The following SLC4A7 variants were observed in gnomAD, a reference collection of about 807,000 sequenced individuals.
The protein encoded by SLC4A7 is solute carrier family 4 member 7, also known as sodium bicarbonate cotransporter 3.
In SLC4A7, 51 loss-of-function variants were observed where a neutral mutation model predicts 137.6. That is an observed-to-expected ratio of 0.37 (90% confidence interval 0.30 to 0.47). The LOEUF (loss-of-function observed/expected upper bound fraction) is 0.47, where lower values mean the gene tolerates loss of function less well. SLC4A7 is among the 20% of genes least tolerant of loss of function. The pLI is 1.00. For synonymous variants in SLC4A7, 542 were observed against 518.6 expected (o/e 1.05, Z -0.61); for missense variants, 1,247 against 1,525.4 (o/e 0.82, Z 3.04).
At chr3:27,484,001 C>T in intron 1 of SLC4A7, 66 bp downstream of exon 1, 11 of 1,225,514 alleles carry the variant, frequency 9.0e-6, no homozygotes, top group African/African-American at 1.6e-5. Flanking sequence ...CCGCGCCCCC[C>T]GCCTTTGTCT....
chr3:27,409,948 T>C (rs1458433958), intron 12 of SLC4A7, among the ~76,000 whole-genome samples: 2 of 152,216 alleles, frequency 1.3e-5, no homozygotes, highest in African/African-American at 4.8e-5. Context: ...AAGGCAATTA[T>C]TATCCAAATA....
At chr3:27,474,273 GTCATT>G (rs2059376743) in intron 1 of SLC4A7, among the ~76,000 whole-genome samples, 2 of 152,032 alleles carry the variant, frequency 1.3e-5, no homozygotes, top group Non-Finnish European at 1.5e-5. Context: ...CTAAATAACT[GTCATT>G]TCATTTGTTA....
intron 9 of SLC4A7, among the ~76,000 whole-genome samples, 164 bp downstream of exon 9, chr3:27,421,458 T>G (rs1010188342): frequency 2.6e-5 from 4 of 152,162 alleles, no homozygotes; most frequent in Non-Finnish European, 5.9e-5. Flanking sequence ...ATTGTGCCAC[T>G]GCACTCCAGC....
At position 27,437,521 on chromosome 3, in the gene SLC4A7, G is replaced by T; in HGVS notation, c.295C>A (p.Pro99Thr). 6.5e-7 allele frequency: 1 copy of T among 1,543,170 alleles called. No individual in the cohort carries two copies. Among genetic ancestry groups the T allele is most frequent in the Non-Finnish European group, 8.7e-7 (1 of 1,150,286 alleles). The change falls in exon 4 of 26, where the codon CCA (proline) becomes ACA (threonine). Residue 99 changes from proline to threonine, a missense_variant. This residue lies in a region of SLC4A7 where 176 missense variants were observed against 186.4 expected (regional missense o/e 0.94). Transcript: ENST00000454389. The part of the protein sequence containing the change: ...DGRESPSYDT[P>T]SQRVQFILGT... ...AGGATAAACTGAACTCTCTGGGATG[G>T]TGTATCTTTACAAAATAAGAATTTA...
intron 1 of SLC4A7, chr3:27,456,665 C>T: frequency 6.2e-7 from 1 of 1,608,302 alleles, no homozygotes; most frequent in Non-Finnish European, 8.5e-7. Context: ...AACTTCTTCT[C>T]CAGACGAAAT....
At chr3:27,446,118 G>A (rs1192557487) in intron 3 of SLC4A7, among the ~76,000 whole-genome samples, 2 of 148,954 alleles carry the variant, frequency 1.3e-5, no homozygotes, top group Non-Finnish European at 3.0e-5. Context: ...ATTTAACTAT[G>A]TGTGTGTGTA....
chr3:27,395,645 C>T (rs2052076058), intron 18 of SLC4A7, among the ~76,000 whole-genome samples: 1 of 152,182 alleles, frequency 6.6e-6, no homozygotes, highest in South Asian at 2.1e-4. Flanking sequence ...TGAATGAAGG[C>T]ATATTGCCCC....
At chr3:27,436,898 ATTT>A (rs1451504569) in intron 4 of SLC4A7, among the ~76,000 whole-genome samples, 6 of 152,320 alleles carry the variant, frequency 3.9e-5, no homozygotes, top group African/African-American at 1.4e-4. Context: ...ATAAAGGATT[ATTT>A]AAGTAAACAA....
At chr3:27,478,270 C>T (rs34423734) in intron 1 of SLC4A7, among the ~76,000 whole-genome samples, 57 of 151,944 alleles carry the variant, frequency 3.8e-4, no homozygotes, top group Middle Eastern at 3.4e-3. Context: ...GTAATCCCAG[C>T]ACTTTGGGAG....
intron 1 of SLC4A7, among the ~76,000 whole-genome samples, chr3:27,469,811 A>T (rs369451817): frequency 6.6e-6 from 1 of 152,374 alleles, no homozygotes; most frequent in East Asian, 1.9e-4. Context: ...AGGTGCTAAG[A>T]TGATGATACA....
intron 5 of SLC4A7, among the ~76,000 whole-genome samples, chr3:27,434,756 A>T (rs572383249): frequency 1.3e-5 from 2 of 152,146 alleles, no homozygotes; most frequent in Non-Finnish European, 2.9e-5. Context: ...AATTTATAAA[A>T]TATATATTAA....
chr3:27,373,603 A>G lies in SLC4A7; in HGVS notation c.*3161T>C, dbSNP rs1177010234. On this transcript the variant is annotated 3_prime_UTR_variant, in exon 26 of 26. Transcript: ENST00000454389. ...ATGTTAAACTGCTGAGCACATTTAT[A>G]GAACTGATGTACATCATATAATCCT... 6.6e-6 allele frequency: 1 copy of G among 152,206 alleles called. No individual in the cohort carries two copies. The highest frequency in any genetic ancestry group is 1.5e-5 in the Non-Finnish European group (1 of 67,990). 9.4% of individuals were successfully genotyped at this position (152,206 alleles called of 1,614,324 possible).
rs774016267 is a variant in SLC4A7, at chr3:27,448,769, G to A, written c.171C>T (p.His57=). The A allele has an allele frequency of 1.5e-5, 24 of 1,612,620 alleles. No individual in the cohort carries two copies. The highest frequency in any genetic ancestry group is 6.7e-5 in the African/African-American group (5 of 74,772). The change falls in exon 3 of 26, where the codon CAC becomes CAT. Residue 57 remains histidine (H), a synonymous_variant. Transcript: ENST00000454389. ...GACGACTCTCTTTACTAAACGGGAC[G>A]TGAACACCAATATATACAGCTCTAT... The part of the protein sequence containing the change: ...ESHRAVYIGV[H]VPFSKESRRR...
At chr3:27,456,616 G>A (rs2058425960) in intron 1 of SLC4A7, 1 of 1,394,558 alleles carries the variant, frequency 7.2e-7, no homozygotes, top group South Asian at 1.2e-5. Flanking sequence ...AAATTCGTTT[G>A]TAAATAAAAG....
chr3:27,457,391 G>A (rs1342102158), intron 1 of SLC4A7, among the ~76,000 whole-genome samples: 1 of 151,990 alleles, frequency 6.6e-6, no homozygotes, highest in Non-Finnish European at 1.5e-5. Context: ...GAAGACAACT[G>A]GATTCTCATA....
intron 3 of SLC4A7, among the ~76,000 whole-genome samples, chr3:27,440,451 G>A (rs939809600): frequency 1.1e-4 from 16 of 152,146 alleles, no homozygotes; most frequent in Admixed American, 1.3e-4. Flanking sequence ...AACCCAGCCA[G>A]GTGTGGTGAC....
chr3:27,449,088 G>A (rs1163833820), intron 2 of SLC4A7, among the ~76,000 whole-genome samples: 1 of 151,604 alleles, frequency 6.6e-6, no homozygotes, highest in Non-Finnish European at 1.5e-5. Flanking sequence ...TTTTAGTAGA[G>A]ATGGGGTTTC....
intron 13 of SLC4A7, 56 bp from the exon 14 acceptor site, chr3:27,405,019 C>T (rs1015333012): frequency 5.4e-6 from 7 of 1,299,192 alleles, no homozygotes; most frequent in East Asian, 2.5e-5. Flanking sequence ...ATTTCTCTAA[C>T]GTACTATAAT....
intron 22 of SLC4A7, among the ~76,000 whole-genome samples, chr3:27,389,155 T>G (rs982067868): frequency 6.6e-6 from 1 of 152,160 alleles, no homozygotes; most frequent in African/African-American, 2.4e-5. Context: ...GGCAATGAAG[T>G]GCATACACCT....
Sources: gnomAD v4.1 joint callset for allele counts (sites outside exome capture counted in the v4.1 genomes callset) on GRCh38, gnomAD v4.1.1 for gene constraint, gnomAD v4.1.1 regional missense constraint, MANE v1.5 for transcripts, NCBI Gene and HGNC (gene_info 2026-07-23, HGNC 2026-07-21) for gene names.